C10orf67: variants seen among roughly 807,000 people sequenced by gnomAD.
The protein encoded by C10orf67 is uncharacterized protein C10orf67, mitochondrial.
A neutral mutation model predicts 35.6 loss-of-function variants in C10orf67; 60 were observed. That is an observed-to-expected ratio of 1.68 (90% CI 1.37 to 2.09). The LOEUF is 2.09. Ranked by LOEUF, C10orf67 falls within the 30% of genes most tolerant of loss-of-function variation. The pLI is 0.00. For missense variants in C10orf67, 474 were observed against 330.2 expected, an observed-to-expected ratio of 1.44 and a Z score of -3.38; for synonymous variants, 167 against 115.8, an observed-to-expected ratio of 1.44 and a Z score of -2.84.
In C10orf67 at chr10:23,223,482, A is replaced by C. The variant is rs1172208905; in HGVS notation, c.1570+116T>G. ...ATAATTTTATAAAGTGGCTGAAAAAAGTCATGCATTCACCCAGAATACCAA... is the reference window on the plus strand; with the variant it reads ...ATAATTTTATAAAGTGGCTGAAAAACGTCATGCATTCACCCAGAATACCAA... On this transcript the variant is annotated intron_variant, in intron 15 of 15. Coordinates refer to ENST00000636213, the MANE Select transcript of C10orf67 (RefSeq NM_001371909.1). 5 of 666,628 alleles carry C rather than the reference A, an allele frequency of 7.5e-6. No homozygotes were observed. In the Admixed American group the frequency reaches 1.3e-4, roughly 17 times the overall value. The allele number at this position is 666,628 out of a possible 1,614,324, so 41.3% of individuals were successfully genotyped here.
At chr10:23,343,236 C>T (rs1007639449) in intron 1 of C10orf67, among the ~76,000 whole-genome samples, 1 of 152,094 alleles carries the variant, frequency 6.6e-6, no homozygotes, top group African/African-American at 2.4e-5. Flanking sequence ...CAGGTGTGGA[C>T]TTTGGAGGTG....
intron 4 of C10orf67, among the ~76,000 whole-genome samples, chr10:23,310,961 T>G (rs905593113): frequency 6.6e-6 from 1 of 152,132 alleles, no homozygotes; most frequent in Non-Finnish European, 1.5e-5. Context: ...AACATCCTGC[T>G]GGCATCTATT....
chr10:23,208,005 G>A (rs796941180), intron 15 of C10orf67, among the ~76,000 whole-genome samples: 41 of 152,216 alleles, frequency 2.7e-4, no homozygotes, highest in African/African-American at 9.1e-4. Context: ...ATGAAAGACC[G>A]GGCTGCCAAT....
At chr10:23,320,161 T>G (rs1844889237) in intron 4 of C10orf67, among the ~76,000 whole-genome samples, 1 of 152,230 alleles carries the variant, frequency 6.6e-6, no homozygotes, top group Admixed American at 6.5e-5. Flanking sequence ...TGTTGAGTGC[T>G]ATGATAAGAA....
At chr10:23,325,730 T>C (rs1372586307) in intron 2 of C10orf67, among the ~76,000 whole-genome samples, 1 of 149,412 alleles carries the variant, frequency 6.7e-6, no homozygotes, top group Non-Finnish European at 1.5e-5. Context: ...CAAAAGATGA[T>C]TGAAACCAAT....
intron 12 of C10orf67, among the ~76,000 whole-genome samples, chr10:23,242,238 G>T (rs555219458): frequency 4.6e-5 from 7 of 152,052 alleles, no homozygotes; most frequent in Admixed American, 4.6e-4. Flanking sequence ...CAAAGTGCTC[G>T]GATTACAAGC....
intron 13 of C10orf67, among the ~76,000 whole-genome samples, chr10:23,233,349 C>A (rs2132125543): frequency 6.6e-6 from 1 of 152,126 alleles, no homozygotes; most frequent in Middle Eastern, 3.4e-3. Flanking sequence ...TAATTAGCAA[C>A]AAACAAAAAT....
At chr10:23,282,929 G>C (rs540319899) in intron 7 of C10orf67, among the ~76,000 whole-genome samples, 2 of 152,174 alleles carry the variant, frequency 1.3e-5, no homozygotes, top group Admixed American at 6.5e-5. Context: ...AGGGTAGTGA[G>C]GGGTGGGGTA....
intron 4 of C10orf67, among the ~76,000 whole-genome samples, chr10:23,319,595 A>G (rs1262530205): frequency 6.6e-6 from 1 of 152,242 alleles, no homozygotes; most frequent in African/African-American, 2.4e-5. Flanking sequence ...TGCTTTCCAC[A>G]GTGGCTGAAC....
intron 1 of C10orf67, among the ~76,000 whole-genome samples, chr10:23,335,633 T>A (rs944735330): frequency 1.3e-5 from 2 of 152,130 alleles, no homozygotes; most frequent in Non-Finnish European, 2.9e-5. Context: ...CAGAGCAATA[T>A]CAACTAAAAA....
chr10:23,265,194 G>A (rs886816518), intron 10 of C10orf67, among the ~76,000 whole-genome samples: 1 of 152,196 alleles, frequency 6.6e-6, no homozygotes, highest in Non-Finnish European at 1.5e-5. Flanking sequence ...TTCCAGTAGC[G>A]CAACAAGCCT....
chr10:23,302,785 G>T (rs1844128997), intron 5 of C10orf67, among the ~76,000 whole-genome samples: 1 of 152,128 alleles, frequency 6.6e-6, no homozygotes, highest in Non-Finnish European at 1.5e-5. Context: ...CCCATCAGTA[G>T]TTTGTCTAAC....
At chr10:23,208,241 C>G (rs984381998) in intron 15 of C10orf67, among the ~76,000 whole-genome samples, 2 of 152,200 alleles carry the variant, frequency 1.3e-5, no homozygotes, top group African/African-American at 4.8e-5. Context: ...ACCTTGACAT[C>G]TGCATATTTA....
downstream of C10orf67, chr10:23,201,953 T>A (rs1396527450): frequency 6.6e-6 from 1 of 152,094 alleles, no homozygotes; most frequent in African/African-American, 2.4e-5. Context: ...ATATCTGCGA[T>A]GATTGATTTT....
At position 23,329,809 on chromosome 10, in the gene C10orf67, A is replaced by AAAAAG. The variant is rs1554817490; in HGVS notation, c.327+3252_327+3253insCTTTT. On this transcript the variant is annotated intron_variant, in intron 2 of 15. Coordinates refer to ENST00000636213, the MANE Select transcript of C10orf67 (RefSeq NM_001371909.1). ...CAAGAACTTGTCTCAAAAAAAAAAA[A>AAAAAG]AAAAAAAGAAAAGAAAAGAAAAAAA... Among the ~76,000 whole-genome samples the AAAAAG allele has an allele frequency of 4.8e-3, 726 of 149,878 alleles. 19 individuals carry two copies. The highest frequency in any genetic ancestry group is 0.017 in the African/African-American group (694 of 40,924).
chr10:23,246,861 G>C (rs1842330316), intron 12 of C10orf67, among the ~76,000 whole-genome samples: 5 of 152,188 alleles, frequency 3.3e-5, no homozygotes, highest in Admixed American at 3.3e-4. Context: ...GTCTCACTCT[G>C]TCACCCAGGT....
intron 7 of C10orf67, among the ~76,000 whole-genome samples, chr10:23,289,097 A>T (rs1395735527): frequency 6.6e-6 from 1 of 152,166 alleles, no homozygotes; most frequent in Non-Finnish European, 1.5e-5. Context: ...GAGAGCAGGA[A>T]TTGCTGAGAT....
intron 13 of C10orf67, among the ~76,000 whole-genome samples, chr10:23,236,013 C>A (rs1371135170): frequency 1.3e-5 from 2 of 151,940 alleles, no homozygotes; most frequent in Non-Finnish European, 2.9e-5. Context: ...CTTTGGGAGG[C>A]CGAGGCGGGC....
At chr10:23,307,608 GT>G (rs56738859) in intron 4 of C10orf67, among the ~76,000 whole-genome samples, 41,480 of 135,656 alleles carry the variant, frequency 0.31, 6,949 homozygotes, top group East Asian at 0.64. Context: ...TTTTTATTTA[GT>G]TTTTTTTTTT....
Sources: gnomAD v4.1 joint callset for allele counts (sites outside exome capture counted in the v4.1 genomes callset) on GRCh38, gnomAD v4.1.1 for gene constraint, MANE v1.5 for transcripts, NCBI Gene and HGNC (gene_info 2026-07-23, HGNC 2026-07-21) for gene names.